FSTL4: variants seen among roughly 807,000 people sequenced by gnomAD.
FSTL4 encodes the protein follistatin like 4.
In FSTL4, 28 loss-of-function variants were observed where a neutral mutation model predicts 78.2. The observed-to-expected ratio is 0.36, with a 90% CI of 0.27 to 0.49. FSTL4 has a LOEUF of 0.49. FSTL4 is among the 20% of genes least tolerant of loss of function. The pLI, the probability that FSTL4 is intolerant of heterozygous loss-of-function variation, is 0.98. For synonymous variants in FSTL4, 422 were observed against 440.5 expected (o/e 0.96, Z 0.53); for missense variants, 922 against 1,084.9 (o/e 0.85, Z 2.11).
chr5:133,637,302 G>T, the FSTL4 span, among the ~76,000 whole-genome samples: 1 of 151,914 alleles, frequency 6.6e-6, no homozygotes, highest in South Asian at 2.1e-4. Context: ...AACTCATCTT[G>T]TAACGTCATC....
chr5:133,754,788 C>T, the FSTL4 span, among the ~76,000 whole-genome samples: 1 of 152,158 alleles, frequency 6.6e-6, no homozygotes, highest in Non-Finnish European at 1.5e-5. Flanking sequence ...CGTGTGAAGA[C>T]AACATGTTGA....
At chr5:133,795,847 G>A in the FSTL4 span, among the ~76,000 whole-genome samples, 1 of 152,238 alleles carries the variant, frequency 6.6e-6, no homozygotes, top group African/African-American at 2.4e-5. Flanking sequence ...AGTAAGGGAA[G>A]CACCATGCCC....
At chr5:133,760,542 G>A in the FSTL4 span, among the ~76,000 whole-genome samples, 2 of 152,176 alleles carry the variant, frequency 1.3e-5, no homozygotes, top group African/African-American at 4.8e-5. Flanking sequence ...CCATTTAAGG[G>A]TAATGGGGGT....
At chr5:133,753,090 G>A in the FSTL4 span, among the ~76,000 whole-genome samples, 1 of 152,104 alleles carries the variant, frequency 6.6e-6, no homozygotes. Flanking sequence ...ATGTAAATAT[G>A]TTATAACAAC....
chr5:133,714,537 T>C, the FSTL4 span, among the ~76,000 whole-genome samples: 616 of 152,344 alleles, frequency 4.0e-3, 3 homozygotes, highest in Middle Eastern at 0.02. Flanking sequence ...CGATGCCTCT[T>C]TGCTGCGTCT....
chr5:133,564,054 G>A (rs1759976107), intron 3 of FSTL4, among the ~76,000 whole-genome samples: 1 of 152,156 alleles, frequency 6.6e-6, no homozygotes, highest in Non-Finnish European at 1.5e-5. Flanking sequence ...AGGTTCTAGG[G>A]ATGGAGGGTC....
chr5:133,339,777 A>G (rs1051019726), intron 4 of FSTL4, among the ~76,000 whole-genome samples: 1 of 152,144 alleles, frequency 6.6e-6, no homozygotes, highest in Non-Finnish European at 1.5e-5. Context: ...CTCCAGTGAA[A>G]TCCAACCCCT....
intron 3 of FSTL4, among the ~76,000 whole-genome samples, chr5:133,527,561 C>A (rs1203424791): frequency 1.3e-5 from 2 of 152,268 alleles, no homozygotes; most frequent in East Asian, 3.9e-4. Flanking sequence ...ACATAAAATG[C>A]TGTTAAACAG....
At chr5:133,648,811 T>C in the FSTL4 span, among the ~76,000 whole-genome samples, 1 of 152,016 alleles carries the variant, frequency 6.6e-6, no homozygotes, top group Admixed American at 6.6e-5. Context: ...TCTCCTACAA[T>C]CAGCATCCCC....
At chr5:133,213,877 G>A (rs944838262) in intron 13 of FSTL4, among the ~76,000 whole-genome samples, 1 of 152,056 alleles carries the variant, frequency 6.6e-6, no homozygotes, top group South Asian at 2.1e-4. Flanking sequence ...TAAATATAAT[G>A]ACATAGAAAG....
chr5:133,477,814 C>A (rs886337469), intron 3 of FSTL4, among the ~76,000 whole-genome samples: 6 of 152,078 alleles, frequency 3.9e-5, no homozygotes, highest in South Asian at 4.2e-4. Flanking sequence ...TGAGAAGTGC[C>A]AATTTTCCAG....
the FSTL4 span, among the ~76,000 whole-genome samples, chr5:133,744,931 A>G: frequency 6.6e-6 from 1 of 152,214 alleles, no homozygotes; most frequent in African/African-American, 2.4e-5. Flanking sequence ...CTGCATCACC[A>G]TAGAAAACTA....
At chr5:133,627,921 A>T in the FSTL4 span, among the ~76,000 whole-genome samples, 1 of 151,946 alleles carries the variant, frequency 6.6e-6, no homozygotes, top group East Asian at 1.9e-4. Context: ...GTTTTTGAGT[A>T]TATCTCTTTG....
At chr5:133,211,206 CA>C (rs925844552) in intron 13 of FSTL4, among the ~76,000 whole-genome samples, 74 of 152,296 alleles carry the variant, frequency 4.9e-4, no homozygotes, top group African/African-American at 1.7e-3. Flanking sequence ...ATGGCCCTGT[CA>C]AATGAAAGCT....
At chr5:133,605,657 T>C (rs568130452) in intron 1 of FSTL4, among the ~76,000 whole-genome samples, 14 of 152,284 alleles carry the variant, frequency 9.2e-5, no homozygotes, top group Admixed American at 2.6e-4. Flanking sequence ...AGACTCAAAA[T>C]TGTGGGCCTA....
chr5:133,778,012 G>A, the FSTL4 span, among the ~76,000 whole-genome samples: 1 of 152,212 alleles, frequency 6.6e-6, no homozygotes, highest in South Asian at 2.1e-4. Flanking sequence ...CTACTTCTGG[G>A]AAAACTGGGG....
At chr5:133,336,440 G>C (rs570474770) in intron 4 of FSTL4, among the ~76,000 whole-genome samples, 21 of 152,342 alleles carry the variant, frequency 1.4e-4, no homozygotes, top group African/African-American at 5.1e-4. Context: ...TTCCCTTCTG[G>C]CTGTCTCTCT....
intron 4 of FSTL4, among the ~76,000 whole-genome samples, chr5:133,316,859 T>C (rs377580538): frequency 1.1e-5 from 1 of 91,570 alleles, no homozygotes; most frequent in African/African-American, 3.5e-5. Context: ...GAATGCATGC[T>C]ACACATGATG....
chr5:133,639,842 C>G, the FSTL4 span, among the ~76,000 whole-genome samples: 10 of 152,180 alleles, frequency 6.6e-5, no homozygotes, highest in African/African-American at 2.2e-4. Context: ...GTCTTCACCC[C>G]ACCCAGAGTG....
Sources: allele counts gnomAD v4.1 joint callset (sites outside exome capture counted in the v4.1 genomes callset), GRCh38; gene constraint gnomAD v4.1.1; transcripts MANE v1.5; gene names NCBI Gene and HGNC (gene_info 2026-07-23, HGNC 2026-07-21).